Variants in MYRIP observed in about 807,000 individuals in gnomAD.
MYRIP encodes the protein myosin VIIA and Rab interacting protein.
In MYRIP, 49 loss-of-function variants were observed where a neutral mutation model predicts 98.0. That is an observed-to-expected ratio of 0.50 (90% CI 0.40 to 0.63). The LOEUF is 0.63. MYRIP is among the 30% of genes least tolerant of loss of function. The pLI, the probability that MYRIP is intolerant of heterozygous loss-of-function variation, is 0.00. For synonymous variants in MYRIP, 404 were observed against 409.5 expected (o/e 0.99, Z 0.16); for missense variants, 1,004 against 1,058.2 (o/e 0.95, Z 0.71).
intron 11 of MYRIP, among the ~76,000 whole-genome samples, chr3:40,218,609 A>ATAAAT (rs1434916839): frequency 7.8e-6 from 1 of 127,428 alleles, no homozygotes; most frequent in Non-Finnish European, 1.6e-5. Flanking sequence ...ATATATATAT[A>ATAAAT]TTTTATATAT....
At chr3:39,961,823 C>A (rs1378644421) in intron 2 of MYRIP, among the ~76,000 whole-genome samples, 1 of 152,104 alleles carries the variant, frequency 6.6e-6, no homozygotes, top group Admixed American at 6.6e-5. Context: ...CAGCCAGCCA[C>A]ATGTCTTGCA....
chr3:39,877,639 G>A (rs1402169613), intron 1 of MYRIP, among the ~76,000 whole-genome samples: 14 of 152,172 alleles, frequency 9.2e-5, no homozygotes, highest in Non-Finnish European at 1.3e-4. Context: ...TAACAGCAGC[G>A]GTGGCTGCAG....
chr3:39,887,259 C>A (rs1188230507), intron 1 of MYRIP, among the ~76,000 whole-genome samples: 2 of 151,628 alleles, frequency 1.3e-5, no homozygotes, highest in Non-Finnish European at 2.9e-5. Context: ...AATTGACACC[C>A]TAACATCACA....
intron 1 of MYRIP, among the ~76,000 whole-genome samples, chr3:39,880,819 G>C (rs1943140394): frequency 6.6e-6 from 1 of 152,030 alleles, no homozygotes; most frequent in Non-Finnish European, 1.5e-5. Context: ...GATATATTTT[G>C]ATGTCATATT....
At chr3:40,131,784 T>C (rs1257624815) in intron 3 of MYRIP, among the ~76,000 whole-genome samples, 1 of 152,226 alleles carries the variant, frequency 6.6e-6, no homozygotes, top group Non-Finnish European at 1.5e-5. Context: ...TTAATTATTA[T>C]ATATTTGTAA....
At chr3:39,984,280 G>C (rs567017727) in intron 2 of MYRIP, among the ~76,000 whole-genome samples, 27 of 151,608 alleles carry the variant, frequency 1.8e-4, no homozygotes, top group African/African-American at 6.3e-4. Context: ...CATTGTGCAG[G>C]TTAGTTACAT....
chr3:39,853,886 A>G lies in MYRIP; in HGVS notation c.-31+43970A>G, dbSNP rs549855312. Among the ~76,000 whole-genome samples the G allele has an allele frequency of 3.3e-5, 5 of 152,202 alleles. No individual in the cohort carries two copies. In the South Asian group the frequency reaches 1.0e-3, roughly 32 times the overall value. On this transcript the variant is annotated intron_variant, in intron 1 of 16. Transcript: ENST00000302541. ...TATCTTCTATAGTTTTTATGGTTTC[A>G]TGTCTTAGATTTAAGTCTGATCTAT...
At chr3:40,121,737 G>A (rs1462327331) in intron 3 of MYRIP, among the ~76,000 whole-genome samples, 1 of 152,180 alleles carries the variant, frequency 6.6e-6, no homozygotes, top group Non-Finnish European at 1.5e-5. Flanking sequence ...AAACTCAGTA[G>A]TAGAGACAAA....
chr3:39,965,585 G>C (rs928425158), intron 2 of MYRIP, among the ~76,000 whole-genome samples: 1 of 152,112 alleles, frequency 6.6e-6, no homozygotes, highest in Non-Finnish European at 1.5e-5. Flanking sequence ...GCAAGGAATT[G>C]GCTTATGTAA....
intron 4 of MYRIP, among the ~76,000 whole-genome samples, chr3:40,160,858 G>A (rs776606352): frequency 9.2e-5 from 14 of 152,212 alleles, no homozygotes; most frequent in Middle Eastern, 3.4e-3. Context: ...GCCCTGCTTC[G>A]GTTCGCACAC....
chr3:39,998,188 A>G (rs931623587), intron 2 of MYRIP, among the ~76,000 whole-genome samples: 4 of 152,228 alleles, frequency 2.6e-5, no homozygotes, highest in Admixed American at 1.3e-4. Context: ...GGCCAGAGCA[A>G]TCAGGCTGCA....
intron 2 of MYRIP, among the ~76,000 whole-genome samples, chr3:39,999,390 A>G (rs1453364453): frequency 6.6e-6 from 1 of 152,252 alleles, no homozygotes; most frequent in Non-Finnish European, 1.5e-5. Flanking sequence ...TTCTCAAAAG[A>G]AGACATTTAT....
intron 16 of MYRIP, among the ~76,000 whole-genome samples, chr3:40,252,214 G>A (rs1404789978): frequency 2.0e-5 from 3 of 152,028 alleles, no homozygotes; most frequent in Admixed American, 6.6e-5. Flanking sequence ...CACACACACC[G>A]CCGGTCACCC....
At chr3:40,023,422 C>T (rs959473087) in intron 2 of MYRIP, among the ~76,000 whole-genome samples, 1 of 152,096 alleles carries the variant, frequency 6.6e-6, no homozygotes, top group Admixed American at 6.6e-5. Context: ...GATCAGTAAC[C>T]ATGCAGGCTG....
chr3:39,875,955 A>G (rs1942980344), intron 1 of MYRIP, among the ~76,000 whole-genome samples: 1 of 152,010 alleles, frequency 6.6e-6, no homozygotes, highest in African/African-American at 2.4e-5. Flanking sequence ...AATGTCTCCC[A>G]TTATTATTGT....
At position 39,893,749 on chromosome 3, in the gene MYRIP, C is replaced by G. The variant is rs948229900; in HGVS notation, c.-30-7038C>G. Among the ~76,000 whole-genome samples the G allele has an allele frequency of 4.0e-4, 60 of 151,662 alleles. 3 individuals carry two copies. The highest frequency in any genetic ancestry group is 1.5e-3 in the African/African-American group (60 of 41,350). The stretch of plus-strand genomic sequence containing the variant: ...TGTTTAGAAAAACAAAAAATTGAGG[C>G]AATTTAATATAGTTTTTTAATCTAT... On this transcript the variant is annotated intron_variant, in intron 1 of 16. Transcript: ENST00000302541.
chr3:39,948,727 G>A (rs1168717583), intron 2 of MYRIP, among the ~76,000 whole-genome samples: 2 of 152,036 alleles, frequency 1.3e-5, no homozygotes, highest in African/African-American at 4.8e-5. Context: ...GAATAGATTA[G>A]AGCAATATTT....
chr3:40,105,671 G>A (rs1196072458), intron 3 of MYRIP, among the ~76,000 whole-genome samples: 1 of 152,050 alleles, frequency 6.6e-6, no homozygotes, highest in Admixed American at 6.6e-5. Flanking sequence ...AGGTTTAATT[G>A]ACTCACAGCT....
At chr3:39,923,313 A>G (rs1303130483) in intron 2 of MYRIP, among the ~76,000 whole-genome samples, 1 of 152,172 alleles carries the variant, frequency 6.6e-6, no homozygotes, top group East Asian at 1.9e-4. Flanking sequence ...CCCAAATTTG[A>G]CAATAGACAC....
Sources: gnomAD v4.1 joint callset for allele counts (sites outside exome capture counted in the v4.1 genomes callset) on GRCh38, gnomAD v4.1.1 for gene constraint, MANE v1.5 for transcripts, NCBI Gene and HGNC (gene_info 2026-07-23, HGNC 2026-07-21) for gene names.